The following KDM4C variants were observed in gnomAD, a reference collection of about 807,000 sequenced individuals.
KDM4C encodes lysine demethylase 4C, also known as lysine-specific demethylase 4C.
A neutral mutation model predicts 129.3 loss-of-function variants in KDM4C; 81 were observed. That is an observed-to-expected ratio of 0.63 (90% CI 0.52 to 0.75). The LOEUF (loss-of-function observed/expected upper bound fraction) is 0.75. KDM4C is among the 30% of genes least tolerant of loss of function. KDM4C has a pLI of 0.00. For missense variants in KDM4C, 1,457 were observed against 1,304.0 expected, an observed-to-expected ratio of 1.12 and a Z score of -1.81; for synonymous variants, 573 against 456.1, an observed-to-expected ratio of 1.26 and a Z score of -3.26.
chr9:7,125,213 A>T (rs1444538101), intron 18 of KDM4C, among the ~76,000 whole-genome samples: 1 of 152,132 alleles, frequency 6.6e-6, no homozygotes, highest in East Asian at 1.9e-4. Context: ...CCACAACAGA[A>T]TGGCTGTTTC....
At chr9:6,792,925 A>G in intron 1 of KDM4C, 47 bp from the exon 2 acceptor site, 1 of 1,587,304 alleles carries the variant, frequency 6.3e-7, no homozygotes. Context: ...AAATGACCTA[A>G]AGCATATAAT....
chr9:6,773,465 A>T (rs1277647735), intron 1 of KDM4C, among the ~76,000 whole-genome samples: 1 of 152,144 alleles, frequency 6.6e-6, no homozygotes, highest in African/African-American at 2.4e-5. Context: ...TTAATCTGTC[A>T]GTTTAATTTG....
intron 12 of KDM4C, 143 bp from the exon 13 acceptor site, chr9:7,011,555 C>G (rs1301498669): frequency 2.8e-6 from 2 of 706,680 alleles, no homozygotes; most frequent in Non-Finnish European, 4.8e-6. Context: ...CTGGCTCTCT[C>G]AGGATGTATT....
At chr9:7,076,911 C>T in intron 17 of KDM4C, 1 of 987,048 alleles carries the variant, frequency 1.0e-6, no homozygotes, top group Non-Finnish European at 1.2e-6. Context: ...AGCATGGAGG[C>T]ATTATAATAG....
At chr9:7,020,427 C>T (rs750318760) in intron 15 of KDM4C, among the ~76,000 whole-genome samples, 1 of 152,164 alleles carries the variant, frequency 6.6e-6, no homozygotes, top group Non-Finnish European at 1.5e-5. Context: ...TGACTTATGG[C>T]TTATAAATCA....
intron 1 of KDM4C, among the ~76,000 whole-genome samples, chr9:6,773,028 C>G (rs184393802): frequency 6.6e-6 from 1 of 151,218 alleles, no homozygotes; most frequent in East Asian, 1.9e-4. Flanking sequence ...TTGACAAGGT[C>G]TCACTCTGTC....
chr9:6,800,090 A>G lies in KDM4C; in HGVS notation c.145-5509A>G, dbSNP rs182979554. Among the ~76,000 whole-genome samples the G allele has an allele frequency of 2.0e-3, 311 of 151,868 alleles. 1 individual carries two copies. Among genetic ancestry groups the G allele is most frequent in the African/African-American group, 7.3e-3 (302 of 41,402 alleles). ...AAAAAATAAATAAATAAAAAAGGCCAGGCACAGTGACTCACGCCTGTAATC... is the reference window on the plus strand; with the variant it reads ...AAAAAATAAATAAATAAAAAAGGCCGGGCACAGTGACTCACGCCTGTAATC... On this transcript the variant is annotated intron_variant, in intron 2 of 21. Transcript: ENST00000381309.
At chr9:7,134,609 A>G (rs1426458936) in intron 19 of KDM4C, among the ~76,000 whole-genome samples, 2 of 152,226 alleles carry the variant, frequency 1.3e-5, no homozygotes, top group Non-Finnish European at 2.9e-5. Flanking sequence ...AGACATTTTC[A>G]AAAACAGTAT....
intron 4 of KDM4C, among the ~76,000 whole-genome samples, chr9:6,838,933 T>G (rs1022339481): frequency 2.6e-5 from 4 of 152,228 alleles, no homozygotes; most frequent in Non-Finnish European, 5.9e-5. Context: ...CTGTTTTCTT[T>G]TATGGAGAAA....
chr9:6,749,733 TC>T (rs1276017929), intron 1 of KDM4C, among the ~76,000 whole-genome samples: 1 of 152,026 alleles, frequency 6.6e-6, no homozygotes, highest in Non-Finnish European at 1.5e-5. Flanking sequence ...ATGCCTGTAA[TC>T]CCAGCACTTT....
chr9:7,067,951 A>C (rs1027865939), intron 17 of KDM4C, among the ~76,000 whole-genome samples: 5 of 151,946 alleles, frequency 3.3e-5, no homozygotes, highest in African/African-American at 1.2e-4. Flanking sequence ...GGCCACCACC[A>C]CGCATGGCTA....
chr9:6,988,014 A>G (rs1818029777), intron 11 of KDM4C, among the ~76,000 whole-genome samples: 3 of 151,680 alleles, frequency 2.0e-5, no homozygotes, highest in African/African-American at 7.3e-5. Context: ...ATAAAAAAAA[A>G]TTTAGTGGTG....
At chr9:6,862,309 A>G (rs1841083157) in intron 5 of KDM4C, among the ~76,000 whole-genome samples, 1 of 152,194 alleles carries the variant, frequency 6.6e-6, no homozygotes, top group Admixed American at 6.5e-5. Context: ...AACATTACTT[A>G]TGAAATGTTT....
chr9:6,782,601 G>A (rs1824604826), intron 1 of KDM4C, among the ~76,000 whole-genome samples: 1 of 152,136 alleles, frequency 6.6e-6, no homozygotes, highest in South Asian at 2.1e-4. Flanking sequence ...GCAAAGGAGG[G>A]AAATGGCTTC....
chr9:6,970,230 T>C (rs1268606568), intron 8 of KDM4C, among the ~76,000 whole-genome samples: 2 of 152,226 alleles, frequency 1.3e-5, no homozygotes, highest in African/African-American at 4.8e-5. Context: ...GATTAAATAA[T>C]GAGTAATGGT....
intron 8 of KDM4C, among the ~76,000 whole-genome samples, chr9:6,949,093 C>T (rs1046892095): frequency 1.1e-4 from 16 of 146,070 alleles, no homozygotes; most frequent in South Asian, 2.2e-4. Context: ...CCGGACGGGG[C>T]GGCTGGCCGG....
At chr9:6,882,159 C>T (rs370009902) in intron 6 of KDM4C, among the ~76,000 whole-genome samples, 1 of 152,106 alleles carries the variant, frequency 6.6e-6, no homozygotes, top group East Asian at 1.9e-4. Context: ...ACAGGTTTTC[C>T]CCATATTATA....
In KDM4C at chr9:6,849,556, T is replaced by C. The variant is rs768083593; in HGVS notation, c.485T>C (p.Val162Ala). 2 of 1,613,420 alleles carry C rather than the reference T, an allele frequency of 1.2e-6. No homozygotes were observed. Among genetic ancestry groups the C allele is most frequent in the Non-Finnish European group, 8.5e-7 (1 of 1,179,448 alleles). Residue 162 changes from valine to alanine, a missense_variant, in exon 5 of 22, where the codon GTT becomes GCT. Coordinates refer to ENST00000381309, the MANE Select transcript of KDM4C (RefSeq NM_015061.6). ...CGCCTCAATACAGTCTTGGATGTGG[T>C]TGAAGAAGAGTGTGGCATTTCTATT... ...IARLNTVLDV[V>A]EEECGISIEG...
chr9:6,757,956 C>A, upstream of KDM4C: 1 of 985,408 alleles, frequency 1.0e-6, no homozygotes, highest in Non-Finnish European at 1.2e-6. Context: ...TGACGGCGCG[C>A]GCGCCCTCGC....
Sources: gnomAD v4.1 joint callset for allele counts (sites outside exome capture counted in the v4.1 genomes callset) on GRCh38, gnomAD v4.1.1 for gene constraint, MANE v1.5 for transcripts, NCBI Gene and HGNC (gene_info 2026-07-23, HGNC 2026-07-21) for gene names.